Variants in RBFOX1 observed in about 807,000 individuals in gnomAD.
RBFOX1 encodes the protein RNA binding fox-1 homolog 1, also known as RNA binding protein fox-1 homolog 1.
In RBFOX1, 8 loss-of-function variants were observed where a neutral mutation model predicts 57.7. The observed-to-expected ratio is 0.14, with a 90% CI of 0.08 to 0.25. The LOEUF is 0.25. Ranked by LOEUF, RBFOX1 falls within the 10% of genes least tolerant of loss-of-function variation. The probability of loss-of-function intolerance (pLI) is 1.00; values close to 1 mark genes in which losing one functional copy is unlikely to be tolerated. For missense variants in RBFOX1, 611 were observed against 548.5 expected, an observed-to-expected ratio of 1.11 and a Z score of -1.14; for synonymous variants, 326 against 222.4, an observed-to-expected ratio of 1.47 and a Z score of -4.15.
At chr16:5,254,904 G>A (rs1466972802) in intron 1 of RBFOX1, among the ~76,000 whole-genome samples, 2 of 152,172 alleles carry the variant, frequency 1.3e-5, no homozygotes, top group Non-Finnish European at 2.9e-5. Context: ...GGGGTGAACT[G>A]CAAGTATTTG....
chr16:5,829,286 G>A (rs1407070200), intron 3 of RBFOX1, among the ~76,000 whole-genome samples: 1 of 152,176 alleles, frequency 6.6e-6, no homozygotes, highest in Admixed American at 6.5e-5. Context: ...AATGCTAAGG[G>A]AAGTTATTGA....
chr16:6,934,994 A>T (rs1295199701), intron 3 of RBFOX1, among the ~76,000 whole-genome samples: 1 of 152,056 alleles, frequency 6.6e-6, no homozygotes, highest in African/African-American at 2.4e-5. Context: ...AGGCTGAGAT[A>T]GGAGGACTGC....
At chr16:6,179,370 T>A (rs538566641) in intron 1 of RBFOX1, among the ~76,000 whole-genome samples, 1 of 152,138 alleles carries the variant, frequency 6.6e-6, no homozygotes, top group Non-Finnish European at 1.5e-5. Context: ...GTGGGGAGAT[T>A]GATGTTTAGA....
chr16:5,789,238 GC>G (rs2054609703), intron 3 of RBFOX1, among the ~76,000 whole-genome samples: 1 of 152,172 alleles, frequency 6.6e-6, no homozygotes, highest in Non-Finnish European at 1.5e-5. Flanking sequence ...AATCCTGGGA[GC>G]CCAAAGTATG....
intron 4 of RBFOX1, among the ~76,000 whole-genome samples, chr16:5,951,500 T>C (rs752416478): frequency 5.9e-5 from 9 of 152,156 alleles, no homozygotes; most frequent in Non-Finnish European, 1.0e-4. Context: ...TGTGTGTATA[T>C]ATATAACTAT....
intron 4 of RBFOX1, among the ~76,000 whole-genome samples, chr16:5,983,895 C>T: frequency 7.0e-6 from 1 of 143,514 alleles, no homozygotes. Context: ...TACCCCTCCT[C>T]GTTCTCCTCC....
intron 4 of RBFOX1, among the ~76,000 whole-genome samples, chr16:7,320,386 T>C (rs1457615830): frequency 6.6e-6 from 1 of 152,228 alleles, no homozygotes; most frequent in Non-Finnish European, 1.5e-5. Context: ...GCTCCATCCA[T>C]GTCCCTGCAA....
At chr16:6,612,036 G>A (rs760797766) in intron 2 of RBFOX1, among the ~76,000 whole-genome samples, 6 of 152,032 alleles carry the variant, frequency 3.9e-5, no homozygotes, top group African/African-American at 7.2e-5. Flanking sequence ...GAAAAGTCCC[G>A]GAATAGTTCC....
intron 2 of RBFOX1, among the ~76,000 whole-genome samples, chr16:5,492,832 C>T (rs145214564): frequency 1.1e-3 from 161 of 152,302 alleles, no homozygotes; most frequent in African/African-American, 3.7e-3. Flanking sequence ...ATCAATAGTG[C>T]GGGGACTTGG....
At position 5,310,882 on chromosome 16, in the gene RBFOX1, T is replaced by C. The variant is rs141234697; in HGVS notation, c.219+70777T>C. The stretch of plus-strand genomic sequence containing the variant: ...TCAATAGCTTTTGGAGTCTAAGTGG[T>C]TTTTGGTCACCTAGGTGAATTGTGT... On this transcript the variant is annotated intron_variant, in intron 1 of 2. Transcript: ENST00000585867. Among the ~76,000 whole-genome samples, 329 of 152,272 alleles carry C rather than the reference T, an allele frequency of 2.2e-3. 2 individuals are homozygous for C. The highest frequency in any genetic ancestry group is 7.3e-3 in the African/African-American group (305 of 41,540).
intron 3 of RBFOX1, among the ~76,000 whole-genome samples, chr16:5,663,798 C>T (rs1039604499): frequency 1.3e-5 from 2 of 152,200 alleles, no homozygotes; most frequent in Non-Finnish European, 2.9e-5. Context: ...GTCCCAGCCT[C>T]TTGTGCTTCA....
intron 1 of RBFOX1, among the ~76,000 whole-genome samples, chr16:6,212,879 A>C (rs571983197): frequency 6.6e-6 from 1 of 152,120 alleles, no homozygotes; most frequent in East Asian, 1.9e-4. Flanking sequence ...ACCAATAGTA[A>C]AAAAAAGTCT....
At chr16:6,874,838 A>G (rs928287884) in intron 3 of RBFOX1, among the ~76,000 whole-genome samples, 3 of 152,314 alleles carry the variant, frequency 2.0e-5, no homozygotes, top group African/African-American at 4.8e-5. Flanking sequence ...GGGTGCATCA[A>G]AATCTCAGAA....
intron 4 of RBFOX1, among the ~76,000 whole-genome samples, chr16:5,903,504 G>A (rs1457171440): frequency 6.6e-6 from 1 of 152,142 alleles, no homozygotes; most frequent in African/African-American, 2.4e-5. Flanking sequence ...AACAACTTAA[G>A]CTCATTTGGA....
chr16:6,410,013 C>G (rs2093405694), intron 2 of RBFOX1, among the ~76,000 whole-genome samples: 1 of 152,130 alleles, frequency 6.6e-6, no homozygotes, highest in Admixed American at 6.6e-5. Context: ...TTCAATTTGT[C>G]CTCTACGAGG....
At chr16:7,158,291 A>T (rs953608690) in intron 4 of RBFOX1, among the ~76,000 whole-genome samples, 1 of 152,156 alleles carries the variant, frequency 6.6e-6, no homozygotes, top group African/African-American at 2.4e-5. Flanking sequence ...GGTTGCAGTG[A>T]GCTGAGATCA....
chr16:7,549,268 C>G (rs1601571462), intron 5 of RBFOX1, among the ~76,000 whole-genome samples: 1 of 152,150 alleles, frequency 6.6e-6, no homozygotes, highest in Admixed American at 6.5e-5. Context: ...ATTATGGCTG[C>G]TGAATGCTGT....
At chr16:6,480,196 C>G (rs2095351222) in intron 2 of RBFOX1, among the ~76,000 whole-genome samples, 1 of 152,076 alleles carries the variant, frequency 6.6e-6, no homozygotes, top group Non-Finnish European at 1.5e-5. Flanking sequence ...TATGTACTGG[C>G]TTTATGCTTT....
chr16:7,271,402 C>T (rs2095315059), intron 4 of RBFOX1, among the ~76,000 whole-genome samples: 1 of 152,086 alleles, frequency 6.6e-6, no homozygotes, highest in South Asian at 2.1e-4. Context: ...TTTTTTTCTA[C>T]ATCTAAAAAT....
Sources: gnomAD v4.1 joint callset for allele counts (sites outside exome capture counted in the v4.1 genomes callset) on GRCh38, gnomAD v4.1.1 for gene constraint, MANE v1.5 for transcripts, NCBI Gene and HGNC (gene_info 2026-07-23, HGNC 2026-07-21) for gene names.